Variants in FBXL17 observed in about 807,000 individuals in gnomAD.
FBXL17 encodes F-box/LRR-repeat protein 17.
Under a neutral mutation model 66.2 loss-of-function variants are expected in FBXL17, and 22 were observed. That is an observed-to-expected ratio of 0.33 (90% CI 0.24 to 0.47). FBXL17 has a LOEUF of 0.47. Ranked by LOEUF, FBXL17 falls within the 20% of genes least tolerant of loss-of-function variation. FBXL17 has a pLI of 1.00. For synonymous variants in FBXL17, 474 were observed against 400.5 expected, an observed-to-expected ratio of 1.18 and a Z score of -2.19; for missense variants, 878 against 948.2, an observed-to-expected ratio of 0.93 and a Z score of 0.97.
intron 3 of FBXL17, among the ~76,000 whole-genome samples, chr5:108,364,241 A>G (rs1044543175): frequency 2.0e-5 from 3 of 152,076 alleles, no homozygotes; most frequent in South Asian, 2.1e-4. Context: ...GAAGTATAAT[A>G]AACAGAAGGT....
intron 6 of FBXL17, among the ~76,000 whole-genome samples, chr5:108,087,907 C>T (rs1749032822): frequency 6.6e-6 from 1 of 152,112 alleles, no homozygotes; most frequent in African/African-American, 2.4e-5. Flanking sequence ...AGGCTTTGAG[C>T]AATGTATTTC....
At chr5:108,222,075 T>C (rs1754889942) in intron 5 of FBXL17, among the ~76,000 whole-genome samples, 1 of 152,188 alleles carries the variant, frequency 6.6e-6, no homozygotes, top group South Asian at 2.1e-4. Context: ...TTGCCTAAAA[T>C]CTTCAGAAGA....
At chr5:108,270,479 C>T (rs1027939255) in intron 4 of FBXL17, among the ~76,000 whole-genome samples, 2 of 147,356 alleles carry the variant, frequency 1.4e-5, no homozygotes, top group African/African-American at 5.0e-5. Context: ...TTTATAAATA[C>T]ATAAATCACA....
intron 7 of FBXL17, among the ~76,000 whole-genome samples, chr5:107,914,487 T>C (rs1750060681): frequency 6.6e-6 from 1 of 152,210 alleles, no homozygotes; most frequent in South Asian, 2.1e-4. Context: ...TCAATTTTCC[T>C]TTAAGAATCA....
chr5:108,072,341 T>C (rs1052974140), intron 6 of FBXL17, among the ~76,000 whole-genome samples: 3 of 152,186 alleles, frequency 2.0e-5, no homozygotes, highest in South Asian at 2.1e-4. Context: ...GAAATAGTTA[T>C]TACCAGAAAT....
chr5:108,371,813 A>T (rs190393799), intron 1 of FBXL17, among the ~76,000 whole-genome samples: 6 of 152,252 alleles, frequency 3.9e-5, no homozygotes, highest in Admixed American at 2.0e-4. Context: ...TAAACAGATT[A>T]GAGCAAGTGG....
intron 4 of FBXL17, among the ~76,000 whole-genome samples, chr5:108,320,447 C>CA (rs1188329005): frequency 2.0e-5 from 3 of 150,406 alleles, no homozygotes; most frequent in East Asian, 1.9e-4. Flanking sequence ...GGAAAGCATC[C>CA]AAAAAAAAAT....
intron 6 of FBXL17, among the ~76,000 whole-genome samples, chr5:108,088,406 T>C (rs1445967041): frequency 1.3e-5 from 2 of 152,094 alleles, no homozygotes; most frequent in Admixed American, 6.6e-5. Context: ...CACTAAACTT[T>C]TCTAGTTTTA....
intron 4 of FBXL17, among the ~76,000 whole-genome samples, chr5:108,264,269 G>T (rs899455223): frequency 4.0e-4 from 53 of 132,798 alleles, no homozygotes; most frequent in African/African-American, 1.4e-3. Flanking sequence ...TCTTTTGAAT[G>T]AAATCATTTG....
chr5:108,285,555 A>T (rs1439821172), intron 4 of FBXL17, among the ~76,000 whole-genome samples: 2 of 151,868 alleles, frequency 1.3e-5, no homozygotes, highest in Non-Finnish European at 1.5e-5. Flanking sequence ...ATCAGAGTTC[A>T]TGGGTAACCA....
intron 4 of FBXL17, among the ~76,000 whole-genome samples, chr5:108,229,819 C>T (rs1372896953): frequency 6.6e-6 from 1 of 152,110 alleles, no homozygotes; most frequent in Non-Finnish European, 1.5e-5. Flanking sequence ...ATCTATGCAT[C>T]TGACAAAGGG....
At chr5:107,959,313 C>T (rs1751796919) in intron 7 of FBXL17, among the ~76,000 whole-genome samples, 1 of 151,194 alleles carries the variant, frequency 6.6e-6, no homozygotes, top group Admixed American at 6.6e-5. Flanking sequence ...TTTCAATTTA[C>T]TTTTGGTAAT....
chr5:108,231,855 C>A (rs1296654363), intron 4 of FBXL17, among the ~76,000 whole-genome samples: 1 of 152,156 alleles, frequency 6.6e-6, no homozygotes, highest in Non-Finnish European at 1.5e-5. Flanking sequence ...ATTAGGGCTT[C>A]TTTTAGTATT....
chr5:108,116,581 G>A (rs1271991238), intron 6 of FBXL17, among the ~76,000 whole-genome samples: 1 of 151,942 alleles, frequency 6.6e-6, no homozygotes, highest in Non-Finnish European at 1.5e-5. Flanking sequence ...CCGGGAGGCA[G>A]AGGTTGCAGT....
rs560926725 is a variant in FBXL17, at chr5:108,054,623, T to A, written c.1746-33622A>T. Among the ~76,000 whole-genome samples, 15 of 152,292 alleles carry A rather than the reference T, an allele frequency of 9.8e-5. 1 individual carries two copies. The South Asian group carries it at 2.9e-3, about 29-fold the overall frequency. ...TTTGCTGAATGGGTTAAGAGTAGGG[T>A]CACAATTTTTCTGTGGTGCTTGCCT... is the stretch of plus-strand genomic sequence containing the variant. On this transcript the variant is annotated intron_variant, in intron 6 of 8. Transcript: ENST00000542267.
At chr5:108,196,753 T>C (rs764504446) in intron 5 of FBXL17, among the ~76,000 whole-genome samples, 10 of 152,096 alleles carry the variant, frequency 6.6e-5, no homozygotes, top group Non-Finnish European at 4.4e-5. Flanking sequence ...AGTTCTTCTA[T>C]TTGAACATAA....
intron 4 of FBXL17, among the ~76,000 whole-genome samples, chr5:108,251,723 A>G (rs1580693058): frequency 6.6e-6 from 1 of 152,096 alleles, no homozygotes; most frequent in East Asian, 1.9e-4. Flanking sequence ...ACATTTCTCC[A>G]CATTATATAA....
chr5:108,147,779 G>T (rs556257856), intron 6 of FBXL17, among the ~76,000 whole-genome samples: 43 of 152,056 alleles, frequency 2.8e-4, no homozygotes, highest in Non-Finnish European at 5.1e-4. Context: ...CAAAGATAGA[G>T]AAGAGATATT....
chr5:108,188,013 G>A (rs1468816421), intron 5 of FBXL17, among the ~76,000 whole-genome samples: 1 of 152,178 alleles, frequency 6.6e-6, no homozygotes, highest in Non-Finnish European at 1.5e-5. Flanking sequence ...CAGTGTGACA[G>A]GGGACCTGAA....
Sources: gnomAD v4.1 joint callset for allele counts (sites outside exome capture counted in the v4.1 genomes callset) on GRCh38, gnomAD v4.1.1 for gene constraint, MANE v1.5 for transcripts, NCBI Gene and HGNC (gene_info 2026-07-23, HGNC 2026-07-21) for gene names.